Variants in TG observed in about 807,000 individuals in gnomAD.
TG encodes thyroglobulin, also known as thyroid hormones.
A neutral mutation model predicts 324.7 loss-of-function variants in TG; 270 were observed. That is an observed-to-expected ratio of 0.83 (90% confidence interval 0.75 to 0.92). The LOEUF is 0.92. TG is among the 40% of genes least tolerant of loss of function. The pLI, the probability that TG is intolerant of heterozygous loss-of-function variation, is 0.00. For synonymous variants in TG, 1,401 were observed against 1,327.0 expected, an observed-to-expected ratio of 1.06 and a Z score of -1.21; for missense variants, 3,591 against 3,456.4, an observed-to-expected ratio of 1.04 and a Z score of -0.98.
At chr8:132,894,036 A>G in intron 11 of TG, 107 bp downstream of exon 11, 2 of 1,568,102 alleles carry the variant, frequency 1.3e-6, no homozygotes, top group South Asian at 2.3e-5. Flanking sequence ...TGGCTTCCCC[A>G]GACTGATGGG....
At chr8:132,964,652 G>T in intron 29 of TG, 1 of 492,750 alleles carries the variant, frequency 2.0e-6, no homozygotes, top group Non-Finnish European at 3.6e-6. Context: ...ATAGGAAATG[G>T]CTTAATCTAA....
At chr8:133,035,806 A>G (rs1366280386) in intron 41 of TG, among the ~76,000 whole-genome samples, 2 of 152,190 alleles carry the variant, frequency 1.3e-5, no homozygotes, top group Non-Finnish European at 2.9e-5. Flanking sequence ...TTGTGTGTCA[A>G]TAGACAATAC....
chr8:132,872,472 C>T (rs1200848839), intron 4 of TG, among the ~76,000 whole-genome samples: 5 of 112,190 alleles, frequency 4.5e-5, no homozygotes, highest in African/African-American at 1.2e-4. Flanking sequence ...AGCAAGACTC[C>T]GTCTCAAAAA....
chr8:133,069,766 T>G (rs1843673416), intron 41 of TG, among the ~76,000 whole-genome samples: 1 of 151,894 alleles, frequency 6.6e-6, no homozygotes, highest in Admixed American at 6.6e-5. Context: ...TTTAGGAGGC[T>G]GAGGCAGGCG....
chr8:133,066,788 G>T (rs1047204695), intron 41 of TG, among the ~76,000 whole-genome samples: 2 of 152,180 alleles, frequency 1.3e-5, no homozygotes, highest in African/African-American at 4.8e-5. Context: ...TTGTTTTGAG[G>T]TTGAAATTAT....
chr8:133,028,821 CT>C (rs1167065470), intron 40 of TG, among the ~76,000 whole-genome samples: 2 of 152,102 alleles, frequency 1.3e-5, no homozygotes, highest in Non-Finnish European at 2.9e-5. Context: ...TTTTTCTTTT[CT>C]TTTTTCCTAT....
chr8:132,987,410 G>A (rs1256214555), intron 35 of TG, among the ~76,000 whole-genome samples: 1 of 146,934 alleles, frequency 6.8e-6, no homozygotes, highest in East Asian at 1.9e-4. Context: ...CTGTGTATAT[G>A]TAAAATATTC....
chr8:132,882,786 T>C (rs750700388), intron 7 of TG, 28 bp from the exon 8 acceptor site: 2 of 1,614,080 alleles, frequency 1.2e-6, no homozygotes, highest in African/African-American at 2.7e-5. Flanking sequence ...GTTGACACTG[T>C]CTTCTTTACT....
intron 41 of TG, among the ~76,000 whole-genome samples, chr8:133,055,113 T>C (rs924702792): frequency 2.6e-5 from 4 of 152,136 alleles, no homozygotes; most frequent in African/African-American, 7.2e-5. Flanking sequence ...CGGCTCTCCT[T>C]GGCACTTAAT....
At position 133,095,029 on chromosome 8, in the gene TG, T is replaced by G; in HGVS notation, c.7240-15T>G. ...TGATCTGAACCATCTGCCCTGAGCC[T>G]GCTTTCTCTTCCAGGGAGGCTCCGC... On this transcript the variant is annotated splice_polypyrimidine_tract_variant and intron_variant, in intron 41 of 47. Transcript: ENST00000220616. The G allele has an allele frequency of 6.2e-7, 1 of 1,612,958 alleles. No individual in the cohort carries two copies. The highest frequency in any genetic ancestry group is 8.5e-7 in the Non-Finnish European group (1 of 1,179,978).
rs552976898 is a variant in TG at position 133,044,584 on chromosome 8, C to T, written c.7239+14561C>T. Among the ~76,000 whole-genome samples the T allele has an allele frequency of 4.3e-4, 65 of 152,220 alleles. 1 individual carries two copies. The highest frequency in any genetic ancestry group is 6.2e-4 in the South Asian group (3 of 4,828). The stretch of plus-strand genomic sequence containing the variant: ...AACTCCTATAGCTTCATCGCAGAGG[C>T]GTTTCATGTTGGTCTTGAAGGCCAA... On this transcript the variant is annotated intron_variant, in intron 41 of 47. Coordinates refer to ENST00000220616, the MANE Select transcript of TG (RefSeq NM_003235.5).
Position 132,983,348 on chromosome 8 carries a change from A to G in TG, c.6200-2A>G. The G allele has an allele frequency of 6.2e-7, 1 of 1,614,090 alleles. No homozygotes were observed. The highest frequency in any genetic ancestry group is 1.1e-5 in the South Asian group (1 of 91,080). ...ACTGAAAGACTGCTTTTTCCTTTTC[A>G]GTTGCTCAAAATAATGCTCCCAGTT... On this transcript the variant is annotated splice_acceptor_variant, in intron 34 of 47. Transcript: ENST00000220616. LOFTEE classifies it high-confidence loss of function.
intron 35 of TG, among the ~76,000 whole-genome samples, chr8:133,004,505 G>A (rs1275028579): frequency 1.3e-5 from 2 of 152,198 alleles, no homozygotes; most frequent in Non-Finnish European, 2.9e-5. Context: ...TGTCTCTATG[G>A]TCTGGGGGAG....
chr8:132,907,293 G>A (rs1028519361), intron 17 of TG, among the ~76,000 whole-genome samples: 1 of 152,104 alleles, frequency 6.6e-6, no homozygotes, highest in Non-Finnish European at 1.5e-5. Context: ...GAGTGACCCT[G>A]CCCCATCAGC....
chr8:132,870,335 G>A (rs117275611), intron 3 of TG, among the ~76,000 whole-genome samples: 1 of 149,260 alleles, frequency 6.7e-6, no homozygotes, highest in East Asian at 2.0e-4. Flanking sequence ...TCCTTTGACG[G>A]ATTAAAAGCT....
chr8:133,111,593 G>A (rs994322891), intron 43 of TG, among the ~76,000 whole-genome samples: 3 of 152,204 alleles, frequency 2.0e-5, no homozygotes, highest in Non-Finnish European at 4.4e-5. Flanking sequence ...GACTAGACTA[G>A]GGTAGAATAG....
chr8:133,027,594 A>G (rs1263475161), intron 40 of TG, among the ~76,000 whole-genome samples: 1 of 152,244 alleles, frequency 6.6e-6, no homozygotes, highest in Non-Finnish European at 1.5e-5. Flanking sequence ...AAGGTCAGGA[A>G]GGCCAGGAAG....
intron 20 of TG, among the ~76,000 whole-genome samples, chr8:132,915,122 A>G (rs1820102593): frequency 6.6e-6 from 1 of 152,102 alleles, no homozygotes; most frequent in Non-Finnish European, 1.5e-5. Context: ...GTGTGTGTGC[A>G]TGTTGGGAGC....
At chr8:133,133,973 G>A (rs573395077) in intron 47 of TG, among the ~76,000 whole-genome samples, 2 of 152,344 alleles carry the variant, frequency 1.3e-5, no homozygotes, top group South Asian at 4.1e-4. Context: ...CGTTGGTATG[G>A]GAAGAGAAGG....
Sources: gnomAD v4.1 joint callset for allele counts (sites outside exome capture counted in the v4.1 genomes callset) on GRCh38, gnomAD v4.1.1 for gene constraint, MANE v1.5 for transcripts, NCBI Gene and HGNC (gene_info 2026-07-23, HGNC 2026-07-21) for gene names.